The following TRMT9B variants were observed in gnomAD, a reference collection of about 807,000 sequenced individuals.
The protein encoded by TRMT9B is tRNA methyltransferase 9B (putative), also known as probable tRNA methyltransferase 9B.
In TRMT9B, 16 loss-of-function variants were observed where a neutral mutation model predicts 11.5. The observed-to-expected ratio is 1.39, with a 90% confidence interval of 0.94 to 2.11. The LOEUF is 2.11. Ranked by LOEUF, TRMT9B falls within the 30% of genes most tolerant of loss-of-function variation. The pLI is 0.00. For synonymous variants in TRMT9B, 274 were observed against 192.4 expected (o/e 1.42, Z -3.51); for missense variants, 941 against 553.8 (o/e 1.70, Z -7.02).
At chr8:13,005,490 C>A (rs1341906227) in intron 2 of TRMT9B, among the ~76,000 whole-genome samples, 1 of 152,090 alleles carries the variant, frequency 6.6e-6, no homozygotes, top group East Asian at 1.9e-4. Context: ...CCCCATTCTC[C>A]CTCATGTGAT....
chr8:13,011,756 A>C (rs1164570741), intron 3 of TRMT9B: 2 of 967,544 alleles, frequency 2.1e-6, no homozygotes, highest in South Asian at 4.8e-5. Flanking sequence ...TTAAGAAAAA[A>C]AGTAGTTTTT....
chr8:13,010,204 C>T (rs781294100), intron 3 of TRMT9B: 6 of 847,246 alleles, frequency 7.1e-6, no homozygotes, highest in Non-Finnish European at 8.5e-6. Context: ...ACAACTACAT[C>T]TATAGTAAAT....
Position 12,947,894 on chromosome 8 carries a change from T to TG in TRMT9B, c.-200+1929dup, listed in dbSNP as rs1800342101. Among the ~76,000 whole-genome samples the TG allele has an allele frequency of 2.0e-5, 3 of 152,200 alleles. No homozygotes were observed. In the South Asian group the frequency reaches 6.2e-4, roughly 31 times the overall value. ...CCTATGTATAAGGAAGCATTGGGGC[T>TG]GCCTTGCTCAGAAACAGGCAGTGAG... On this transcript the variant is annotated intron_variant, in intron 1 of 4. Coordinates refer to ENST00000524591, the MANE Select transcript of TRMT9B (RefSeq NM_020844.3).
intron 3 of TRMT9B, chr8:13,011,289 A>C (rs561150387): frequency 1.0e-6 from 1 of 985,108 alleles, no homozygotes; most frequent in South Asian, 4.7e-5. Context: ...CCAGACCCCA[A>C]ATTTTATTTT....
intron 3 of TRMT9B, chr8:13,006,694 G>A: frequency 7.7e-7 from 1 of 1,304,632 alleles, no homozygotes; most frequent in Non-Finnish European, 9.8e-7. Context: ...TTGAGATGGA[G>A]TTTCACTCTT....
chr8:12,965,199 C>A (rs1217462583), intron 1 of TRMT9B, among the ~76,000 whole-genome samples: 1 of 152,188 alleles, frequency 6.6e-6, no homozygotes, highest in African/African-American at 2.4e-5. Context: ...CCAAAAGCCT[C>A]TGTGTGTGAT....
chr8:13,001,688 G>C (rs1442789175), intron 2 of TRMT9B, among the ~76,000 whole-genome samples: 1 of 152,114 alleles, frequency 6.6e-6, no homozygotes, highest in East Asian at 1.9e-4. Flanking sequence ...AAAAAAGCGA[G>C]ATTTTTGAAA....
chr8:13,023,648 T>G lies in TRMT9B; in HGVS notation c.*1604T>G, dbSNP rs1814290567. On this transcript the variant is annotated 3_prime_UTR_variant, in exon 5 of 5. Transcript: ENST00000524591. ...CTCAAGTAGTTCATTAATGAGAAAA[T>G]TGACATCTGACAAGAGTCTTTTTAC... The G allele has an allele frequency of 6.0e-6, 1 of 167,080 alleles. No homozygotes were observed. The highest frequency in any genetic ancestry group is 6.5e-5 in the Admixed American group (1 of 15,280). 10.3% of individuals were successfully genotyped at this position (167,080 alleles called of 1,614,324 possible).
chr8:12,982,845 A>G (rs1266949273), intron 1 of TRMT9B, among the ~76,000 whole-genome samples: 3 of 152,196 alleles, frequency 2.0e-5, no homozygotes, highest in Non-Finnish European at 1.5e-5. Context: ...AAATGCAGCC[A>G]CAGGACACAT....
intron 1 of TRMT9B, among the ~76,000 whole-genome samples, chr8:12,979,701 T>C (rs1805044860): frequency 6.6e-6 from 1 of 152,178 alleles, no homozygotes; most frequent in Non-Finnish European, 1.5e-5. Context: ...CAGAGTCCCA[T>C]TCTGGACTTA....
chr8:12,964,866 A>T (rs1275288027), intron 1 of TRMT9B, among the ~76,000 whole-genome samples: 1 of 152,176 alleles, frequency 6.6e-6, no homozygotes, highest in Non-Finnish European at 1.5e-5. Flanking sequence ...TGCTGGGATT[A>T]CAGGTGTGAG....
At position 13,012,781 on chromosome 8, in the gene TRMT9B, A is replaced by G. The variant is rs1176541432; in HGVS notation, c.252A>G (p.Gly84=). ...GPLVEIARNR[G]CEAMVCDNLN... The stretch of plus-strand genomic sequence containing the variant: ...TGGTAGAGATTGCCCGGAATAGAGG[A>G]TGTGAAGCCATGGTATGTGACAACC... The change falls in exon 4 of 5, where the codon GGA becomes GGG. Residue 84 remains glycine (G), a synonymous_variant. Coordinates refer to ENST00000524591, the MANE Select transcript of TRMT9B (RefSeq NM_020844.3). 2 of 1,613,880 alleles carry G rather than the reference A, an allele frequency of 1.2e-6. No individual in the cohort carries two copies. Among genetic ancestry groups the G allele is most frequent in the East Asian group, 4.5e-5 (2 of 44,860 alleles).
chr8:13,005,294 C>A (rs1376914482), intron 2 of TRMT9B, among the ~76,000 whole-genome samples: 3 of 151,796 alleles, frequency 2.0e-5, no homozygotes, highest in Non-Finnish European at 2.9e-5. Context: ...GGCTGCAAAG[C>A]GTAGCGGGGA....
intron 1 of TRMT9B, among the ~76,000 whole-genome samples, chr8:12,969,781 C>T (rs1803330505): frequency 6.6e-6 from 1 of 151,812 alleles, no homozygotes; most frequent in African/African-American, 2.4e-5. Flanking sequence ...CAGGAATCCT[C>T]CCACCTAAGC....
chr8:13,021,873 A>G lies in TRMT9B; in HGVS notation c.1194A>G (p.Pro398=), dbSNP rs760026555. Residue 398 remains proline, a synonymous_variant, in exon 5 of 5, where the codon CCA becomes CCG. Transcript: ENST00000524591. ...ATGATACAATGTCTGTCGAAGATCC[A>G]CAGACTGATGTTTTGGACTCCACAG... is the stretch of plus-strand genomic sequence containing the variant. The part of the protein sequence containing the change: ...NPDDTMSVED[P]QTDVLDSTAF... 2.5e-6 allele frequency: 4 copies of G among 1,613,804 alleles called. No homozygotes were observed. Among genetic ancestry groups the G allele is most frequent in the Non-Finnish European group, 3.4e-6 (4 of 1,179,898 alleles).
intron 1 of TRMT9B, among the ~76,000 whole-genome samples, chr8:12,953,313 T>C (rs1800875800): frequency 6.6e-6 from 1 of 152,198 alleles, no homozygotes; most frequent in East Asian, 1.9e-4. Flanking sequence ...CATCAGCAAA[T>C]GGAAGCCTTT....
chr8:12,986,162 A>T (rs1032329614), intron 1 of TRMT9B, among the ~76,000 whole-genome samples: 1 of 152,060 alleles, frequency 6.6e-6, no homozygotes, highest in African/African-American at 2.4e-5. Context: ...GTGCCCAGTC[A>T]ATGATGATGT....
At chr8:13,001,441 C>G (rs1481720120) in intron 2 of TRMT9B, among the ~76,000 whole-genome samples, 2 of 152,192 alleles carry the variant, frequency 1.3e-5, no homozygotes, top group Non-Finnish European at 2.9e-5. Context: ...TTTACCGTCT[C>G]ATACTTTTAG....
In TRMT9B at chr8:13,021,573, GC is replaced by G; in HGVS notation, c.896del (p.Pro299HisfsTer9). 1 of 1,613,862 alleles carries G rather than the reference GC, an allele frequency of 6.2e-7. No homozygotes were observed. The highest frequency in any genetic ancestry group is 8.5e-7 in the Non-Finnish European group (1 of 1,179,842). On this transcript the variant is annotated frameshift_variant, in exon 5 of 5. Transcript: ENST00000524591. LOFTEE classifies it low-confidence loss of function (END_TRUNC). ...HSSLDFDHQE[P>X]FSTKGQSLDE... ...CTAGTTTAGACTTTGATCACCAAGA[GC>G]CATTTTCAACAAAAGGGCAAAGTTT...
Sources: allele counts gnomAD v4.1 joint callset (sites outside exome capture counted in the v4.1 genomes callset), GRCh38; gene constraint gnomAD v4.1.1; transcripts MANE v1.5; gene names NCBI Gene and HGNC (gene_info 2026-07-23, HGNC 2026-07-21).